PRKCH: variants seen among roughly 807,000 people sequenced by gnomAD.
PRKCH encodes protein kinase C eta, also known as protein kinase C eta type.
Under a neutral mutation model 82.5 loss-of-function variants are expected in PRKCH, and 28 were observed. The ratio of observed to expected loss-of-function variants is 0.34; its 90% CI spans 0.25 to 0.47. The LOEUF (loss-of-function observed/expected upper bound fraction) is 0.47. Ranked by LOEUF, PRKCH falls within the 20% of genes least tolerant of loss-of-function variation. PRKCH has a pLI of 1.00. For synonymous variants in PRKCH, 322 were observed against 327.4 expected, an observed-to-expected ratio of 0.98 and a Z score of 0.18; for missense variants, 705 against 881.8, an observed-to-expected ratio of 0.80 and a Z score of 2.54.
chr14:61,230,459 A>G (rs553732491), intron 1 of PRKCH, among the ~76,000 whole-genome samples: 155 of 152,356 alleles, frequency 1.0e-3, no homozygotes, highest in African/African-American at 3.6e-3. Context: ...TGTAAAGGGA[A>G]AAACTGTAAT....
intron 2 of PRKCH, among the ~76,000 whole-genome samples, chr14:61,441,945 C>T (rs1223827879): frequency 4.3e-4 from 66 of 151,930 alleles, no homozygotes; most frequent in Non-Finnish European, 7.4e-5. Flanking sequence ...CTACTGTACC[C>T]GGCCAAGTTT....
intron 1 of PRKCH, among the ~76,000 whole-genome samples, chr14:61,237,125 C>T (rs934147011): frequency 6.6e-6 from 1 of 151,862 alleles, no homozygotes; most frequent in Non-Finnish European, 1.5e-5. Flanking sequence ...CGCCTGTGGT[C>T]CCAGCTACAA....
intron 1 of PRKCH, among the ~76,000 whole-genome samples, chr14:61,196,521 G>A (rs755590240): frequency 3.9e-5 from 6 of 152,300 alleles, no homozygotes; most frequent in Non-Finnish European, 8.8e-5. Context: ...CAGAAGTACA[G>A]GATAGGGAAC....
At chr14:61,463,102 C>T (rs984992515) in intron 9 of PRKCH, 8 of 152,202 alleles carry the variant, frequency 5.3e-5, no homozygotes, top group Non-Finnish European at 8.8e-5. Context: ...CTTTGTTTTC[C>T]ACCATCTAAA....
At chr14:61,510,068 G>A (rs192655643) in intron 10 of PRKCH, among the ~76,000 whole-genome samples, 5 of 152,264 alleles carry the variant, frequency 3.3e-5, no homozygotes, top group East Asian at 1.9e-4. Context: ...CAGGGACAGA[G>A]GCGTGGAGGC....
chr14:61,210,116 ATAT>A (rs2044559981), intron 1 of PRKCH, among the ~76,000 whole-genome samples: 1 of 13,560 alleles, frequency 7.4e-5, no homozygotes, highest in Non-Finnish European at 1.2e-4. Flanking sequence ...AAACAAATAT[ATAT>A]ATATATATAT....
At chr14:61,265,344 G>A (rs746694302) in intron 1 of PRKCH, among the ~76,000 whole-genome samples, 5 of 152,166 alleles carry the variant, frequency 3.3e-5, no homozygotes, top group Non-Finnish European at 7.3e-5. Context: ...AGCAGGGCAT[G>A]GAGGTGAGCA....
intron 9 of PRKCH, among the ~76,000 whole-genome samples, chr14:61,461,393 C>T (rs971088857): frequency 2.0e-5 from 3 of 152,296 alleles, no homozygotes; most frequent in South Asian, 2.1e-4. Context: ...ACTGGTTGCC[C>T]GCCGGGGTTT....
chr14:61,385,586 A>T (rs547158555), intron 1 of PRKCH, among the ~76,000 whole-genome samples: 1 of 152,282 alleles, frequency 6.6e-6, no homozygotes, highest in African/African-American at 2.4e-5. Flanking sequence ...CGTTAATGAT[A>T]ATCTTGCTCT....
chr14:61,541,637 C>T (rs1345127459), intron 12 of PRKCH, among the ~76,000 whole-genome samples: 2 of 152,220 alleles, frequency 1.3e-5, no homozygotes, highest in African/African-American at 4.8e-5. Flanking sequence ...ACAGTGTTCT[C>T]TGGCTCCTGG....
At chr14:61,284,560 C>T (rs954314565) in intron 1 of PRKCH, among the ~76,000 whole-genome samples, 2 of 152,086 alleles carry the variant, frequency 1.3e-5, no homozygotes, top group Non-Finnish European at 2.9e-5. Flanking sequence ...TCGTAAGTTC[C>T]GAGAGGTGGA....
chr14:61,500,798 ATGGGC>A (rs1886871923), intron 10 of PRKCH, among the ~76,000 whole-genome samples: 1 of 152,142 alleles, frequency 6.6e-6, no homozygotes, highest in African/African-American at 2.4e-5. Flanking sequence ...AAGATGAAAC[ATGGGC>A]TGAGCACGGG....
At chr14:61,230,965 G>A (rs1455286859) in intron 1 of PRKCH, among the ~76,000 whole-genome samples, 1 of 152,166 alleles carries the variant, frequency 6.6e-6, no homozygotes, top group African/African-American at 2.4e-5. Flanking sequence ...ATTTAATTTA[G>A]TAATAGCTTT....
At chr14:61,343,386 A>G (rs1038767332) in intron 1 of PRKCH, among the ~76,000 whole-genome samples, 1 of 150,874 alleles carries the variant, frequency 6.6e-6, no homozygotes, top group African/African-American at 2.4e-5. Context: ...GGAAAAACAG[A>G]CACTAGACTG....
chr14:61,463,916 T>C (rs900180444), intron 9 of PRKCH, among the ~76,000 whole-genome samples: 1 of 152,272 alleles, frequency 6.6e-6, no homozygotes, highest in African/African-American at 2.4e-5. Flanking sequence ...TTTTAAAAGC[T>C]GAACAGTATT....
intron 10 of PRKCH, among the ~76,000 whole-genome samples, chr14:61,504,685 G>A (rs1887062781): frequency 6.6e-6 from 1 of 152,178 alleles, no homozygotes; most frequent in Non-Finnish European, 1.5e-5. Flanking sequence ...TTCAGAAATA[G>A]GAAATTTAGT....
chr14:61,472,731 AC>A (rs1885561252), intron 9 of PRKCH, among the ~76,000 whole-genome samples: 1 of 152,220 alleles, frequency 6.6e-6, no homozygotes, highest in African/African-American at 2.4e-5. Flanking sequence ...AAACAACAAA[AC>A]AAAAAGTAGA....
chr14:61,524,643 G>A lies in PRKCH; in HGVS notation c.1434-4432G>A, dbSNP rs571231172. Among the ~76,000 whole-genome samples, 5 of 152,168 alleles carry A rather than the reference G, an allele frequency of 3.3e-5. No homozygotes were observed. In the South Asian group the frequency reaches 1.0e-3, roughly 32 times the overall value. On this transcript the variant is annotated intron_variant, in intron 10 of 13. Coordinates refer to ENST00000332981, the MANE Select transcript of PRKCH (RefSeq NM_006255.5). The stretch of plus-strand genomic sequence containing the variant: ...TTCTTTTGCTTTAAAAAAAATAAAG[G>A]CATGATTTCCCTTTAGAGTGGAAGC...
chr14:61,232,151 C>T lies in PRKCH; in HGVS notation c.-19+44483C>T, dbSNP rs190650041. On this transcript the variant is annotated intron_variant, in intron 1 of 3. Coordinates refer to the PRKCH transcript ENST00000555185. Reference sequence around the variant, plus strand: ...TGGGGGTTCCCACAATCCCCCACTACGGTTTGAGTAATTTGTTAGAATGGC... The same window carrying T: ...TGGGGGTTCCCACAATCCCCCACTATGGTTTGAGTAATTTGTTAGAATGGC... 1.8e-3 allele frequency among the ~76,000 whole-genome samples: 267 copies of T among 152,290 alleles called. 1 individual carries two copies. The highest frequency in any genetic ancestry group is 3.5e-3 in the Admixed American group (54 of 15,290).
Sources: allele counts gnomAD v4.1 joint callset (sites outside exome capture counted in the v4.1 genomes callset), GRCh38; gene constraint gnomAD v4.1.1; transcripts MANE v1.5; gene names NCBI Gene and HGNC (gene_info 2026-07-23, HGNC 2026-07-21).